The following FLT1 variants were observed in gnomAD, a reference collection of about 807,000 sequenced individuals.
FLT1 encodes the protein fms related receptor tyrosine kinase 1.
FLT1 carries 49 observed loss-of-function variants against 156.3 expected under a neutral mutation model. That is an observed-to-expected ratio of 0.31 (90% confidence interval 0.25 to 0.40). The LOEUF (loss-of-function observed/expected upper bound fraction) is 0.40, where lower values mean the gene tolerates loss of function less well. Ranked by LOEUF, FLT1 falls within the 10% of genes least tolerant of loss-of-function variation. The pLI, the probability that FLT1 is intolerant of heterozygous loss-of-function variation, is 1.00. For missense variants in FLT1, 1,322 were observed against 1,637.2 expected, an observed-to-expected ratio of 0.81 and a Z score of 3.32; for synonymous variants, 594 against 583.8, an observed-to-expected ratio of 1.02 and a Z score of -0.25.
At position 28,302,119 on chromosome 13, in the gene FLT1, T is replaced by C. The variant is rs1870538689; in HGVS notation, c.*1048A>G. ...GACCTTTTTCCTCCATCAGCCCTCG[T>C]TTTGATATGGAGAAAACTCCTCTCC... On this transcript the variant is annotated 3_prime_UTR_variant, in exon 30 of 30. Transcript: ENST00000282397. The C allele has an allele frequency of 4.4e-6, 1 of 228,162 alleles. No homozygotes were observed. The highest frequency in any genetic ancestry group is 2.4e-5 in the African/African-American group (1 of 41,462). The allele number at this position is 228,162 out of a possible 1,614,324, so 14.1% of individuals were successfully genotyped here.
chr13:28,382,636 T>C (rs1212034634), intron 14 of FLT1, among the ~76,000 whole-genome samples: 1 of 152,056 alleles, frequency 6.6e-6, no homozygotes, highest in Admixed American at 6.6e-5. Context: ...AGGTAATGAG[T>C]GTCTGGACCG....
In FLT1 at chr13:28,435,819, G is replaced by A. The variant is rs868623039; in HGVS notation, c.514-1599C>T. On this transcript the variant is annotated intron_variant, in intron 4 of 29. Transcript: ENST00000282397. ...AGAACTGAAAGCAATTAAAGGATTC[G>A]CTTTCATGTTTCAGTAAATCAAGGT... Among the ~76,000 whole-genome samples the A allele has an allele frequency of 2.6e-5, 4 of 152,160 alleles. No individual in the cohort carries two copies. In the South Asian group the frequency reaches 6.2e-4, roughly 24 times the overall value.
Position 28,311,657 on chromosome 13 carries a change from A to G in FLT1, c.3568T>C (p.Ser1190Pro), listed in dbSNP as rs765799505. Residue 1190 changes from serine (S) to proline (P), a missense_variant, in exon 27 of 30, where the codon TCT becomes CCT. By Grantham distance (74) the Ser-to-Pro change is moderately conservative (BLOSUM62 -1). Around this residue, in one of 3 missense-constraint regions of FLT1, gnomAD observed 329 missense variants for 366.2 expected, o/e 0.90. Transcript: ENST00000282397. ...ATACTTTCCTTGAAGAAGTCCTCAG[A>G]GAAGGCAGGAGTTGAGTATGTAAAC... ...SGFTYSTPAF[S>P]EDFFKESISA... 4 of 1,613,758 alleles carry G rather than the reference A, an allele frequency of 2.5e-6. No homozygotes were observed. The highest frequency in any genetic ancestry group is 3.4e-6 in the Non-Finnish European group (4 of 1,179,698).
intron 11 of FLT1, chr13:28,399,220 G>A (rs1875270284): frequency 1.5e-6 from 1 of 651,630 alleles, no homozygotes; most frequent in Admixed American, 3.2e-5. Flanking sequence ...CAGAAACAAG[G>A]AGCTCAGATG....
chr13:28,413,452 T>C (rs1453555009), intron 10 of FLT1, among the ~76,000 whole-genome samples: 3 of 150,502 alleles, frequency 2.0e-5, no homozygotes, highest in Non-Finnish European at 4.4e-5. Flanking sequence ...GGGATCCTCG[T>C]GGCCCCGCAC....
chr13:28,462,027 C>T (rs933625077), intron 3 of FLT1, among the ~76,000 whole-genome samples: 1 of 152,124 alleles, frequency 6.6e-6, no homozygotes, highest in Non-Finnish European at 1.5e-5. Context: ...ATCCACCCAG[C>T]CCCATCATTT....
intron 14 of FLT1, among the ~76,000 whole-genome samples, chr13:28,378,560 G>A (rs1873945321): frequency 6.6e-6 from 1 of 152,064 alleles, no homozygotes; most frequent in Non-Finnish European, 1.5e-5. Flanking sequence ...GAACCTTGGA[G>A]GGCTACTCAC....
intron 14 of FLT1, among the ~76,000 whole-genome samples, chr13:28,372,072 A>ATTTTTTTTTTT (rs1565990471): frequency 1.3e-4 from 2 of 15,520 alleles, no homozygotes; most frequent in African/African-American, 1.6e-4. Context: ...ATATATATAT[A>ATTTTTTTTTTT]TATATTTTTT....
chr13:28,303,502 C>CCG (rs1555297841), intron 29 of FLT1, 134 bp from the exon 30 acceptor site: 13 of 771,332 alleles, frequency 1.7e-5, no homozygotes, highest in Admixed American at 1.7e-4. Context: ...ACCCCCCCCC[C>CCG]CTCAATTGCT....
At position 28,438,333 on chromosome 13, in the gene FLT1, G is replaced by T; in HGVS notation, c.401C>A (p.Pro134His). ...IYIFISDTGR[P>H]FVEMYSEIPE... ...GATTTCACTGTACATCTCTACGAAA[G>T]GTCTACCTGTATCTGAATGAGAAGA... Residue 134 changes from proline (P) to histidine (H), a missense_variant, in exon 4 of 30, where the codon CCT (proline) becomes CAT (histidine). By Grantham distance (77) the Pro-to-His change is moderately conservative. Coordinates refer to ENST00000282397, the MANE Select transcript of FLT1 (RefSeq NM_002019.4). 6.2e-7 allele frequency: 1 copy of T among 1,609,680 alleles called. No individual in the cohort carries two copies.
At chr13:28,425,524 A>T (rs1877286607) in intron 10 of FLT1, among the ~76,000 whole-genome samples, 1 of 92,724 alleles carries the variant, frequency 1.1e-5, no homozygotes, top group African/African-American at 3.5e-5. Context: ...TATTAGCATC[A>T]CTTAAACCCA....
At chr13:28,446,658 A>C (rs1878634710) in intron 3 of FLT1, among the ~76,000 whole-genome samples, 1 of 152,230 alleles carries the variant, frequency 6.6e-6, no homozygotes, top group Non-Finnish European at 1.5e-5. Flanking sequence ...AAGAAGATCT[A>C]CTAAGTGGGA....
rs114114295 is a variant in FLT1 at position 28,414,154 on chromosome 13, C to T, written c.1437-8260G>A. 8.5e-4 allele frequency among the ~76,000 whole-genome samples: 130 copies of T among 152,262 alleles called. 2 individuals carry two copies. The highest frequency in any genetic ancestry group is 3.0e-3 in the African/African-American group (126 of 41,550). ...TTTGCCTACTATTAGTGTCCCGCAG[C>T]GTATGAGAGAAGAAATCATTTCTCT... On this transcript the variant is annotated intron_variant, in intron 10 of 29. Transcript: ENST00000282397.
rs760581592 is a variant in FLT1 at position 28,473,645 on chromosome 13, A to AAAAGAAAGAAAG, written c.65-6040_65-6029dup. 7.4e-3 allele frequency among the ~76,000 whole-genome samples: 590 copies of AAAAGAAAGAAAG among 79,626 alleles called. 6 individuals carry two copies. Among genetic ancestry groups the AAAAGAAAGAAAG allele is most frequent in the African/African-American group, 0.024 (559 of 23,050 alleles). 52.2% of individuals were successfully genotyped at this position (79,626 alleles called of 152,430 possible). A position where few individuals can be genotyped will look rare whatever the true frequency, so the allele number is the denominator to read the frequency against. On this transcript the variant is annotated intron_variant, in intron 1 of 29. Transcript: ENST00000282397. ...GGGTGACAGAGCAAGACTATATCTC[A>AAAAGAAAGAAAG]AAAGAAAGAAAGAAAGAAAGAAAGA...
Position 28,300,703 on chromosome 13 carries a change from T to G in FLT1, c.*2464A>C, listed in dbSNP as rs1253932365. The G allele has an allele frequency of 4.3e-6, 1 of 233,072 alleles. No homozygotes were observed. The highest frequency in any genetic ancestry group is 2.2e-5 in the African/African-American group (1 of 45,310). The allele number at this position is 233,072 out of a possible 1,614,324, so 14.4% of individuals were successfully genotyped here. A position where few individuals can be genotyped will look rare whatever the true frequency, so the allele number is the denominator to read the frequency against. On this transcript the variant is annotated 3_prime_UTR_variant, in exon 30 of 30. Coordinates refer to ENST00000282397, the MANE Select transcript of FLT1 (RefSeq NM_002019.4). Reference sequence around the variant, plus strand: ...AAATTAACATCTCGGTGTCACTTCTTGGACTGACAAGACACAGACTTGCAC... The same window carrying G: ...AAATTAACATCTCGGTGTCACTTCTGGGACTGACAAGACACAGACTTGCAC...
intron 3 of FLT1, among the ~76,000 whole-genome samples, chr13:28,454,329 G>A (rs1879143185): frequency 6.6e-6 from 1 of 152,034 alleles, no homozygotes; most frequent in Non-Finnish European, 1.5e-5. Flanking sequence ...TTTTACAGTT[G>A]AGAAAACCAA....
Position 28,412,381 on chromosome 13 carries a change from T to TTTCTTTCTTTCTTTCTTTCC in FLT1, c.1437-6488_1437-6487insGGAAAGAAAGAAAGAAAGAA, listed in dbSNP as rs1555236531. On this transcript the variant is annotated intron_variant, in intron 10 of 29. Coordinates refer to ENST00000282397, the MANE Select transcript of FLT1 (RefSeq NM_002019.4). ...CTTTCTTTCTTTCTTTCTTTCTTTC[T>TTTCTTTCTTTCTTTCTTTCC]TTCTTTCTTTCTTTCTTTCTTTCTT... 2.0e-3 allele frequency among the ~76,000 whole-genome samples: 174 copies of TTTCTTTCTTTCTTTCTTTCC among 88,216 alleles called. 4 individuals are homozygous for TTTCTTTCTTTCTTTCTTTCC. Among genetic ancestry groups the TTTCTTTCTTTCTTTCTTTCC allele is most frequent in the Middle Eastern group, 5.3e-3 (1 of 188 alleles). The allele number at this position is 88,216 out of a possible 152,430, so 57.9% of individuals were successfully genotyped here.
chr13:28,374,877 A>AAC (rs920485338), intron 14 of FLT1, among the ~76,000 whole-genome samples: 19 of 151,828 alleles, frequency 1.3e-4, no homozygotes, highest in African/African-American at 4.6e-4. Flanking sequence ...CACACAAACA[A>AAC]ACACACACAC....
intron 12 of FLT1, 89 bp from the exon 13 acceptor site, chr13:28,390,193 C>T: frequency 6.5e-7 from 1 of 1,530,596 alleles, no homozygotes. Context: ...TGTTCGTGCA[C>T]AAATTATCTC....
Sources: gnomAD v4.1 joint callset for allele counts (sites outside exome capture counted in the v4.1 genomes callset) on GRCh38, gnomAD v4.1.1 for gene constraint, gnomAD v4.1.1 regional missense constraint, MANE v1.5 for transcripts, NCBI Gene and HGNC (gene_info 2026-07-23, HGNC 2026-07-21) for gene names.